Variants in EFL1 observed in about 807,000 individuals in gnomAD.
EFL1 encodes elongation factor-like GTPase 1.
In EFL1, 76 loss-of-function variants were observed where a neutral mutation model predicts 126.7. The observed-to-expected ratio is 0.60, with a 90% CI of 0.50 to 0.73. The LOEUF (loss-of-function observed/expected upper bound fraction) is 0.73, where lower values mean the gene tolerates loss of function less well. EFL1 is among the 30% of genes least tolerant of loss of function. The pLI is 0.00. For synonymous variants in EFL1, 410 were observed against 448.4 expected, an observed-to-expected ratio of 0.91 and a Z score of 1.08; for missense variants, 1,128 against 1,343.2, an observed-to-expected ratio of 0.84 and a Z score of 2.50.
chr15:82,130,767 G>A (rs561908300), intron 19 of EFL1, among the ~76,000 whole-genome samples: 17 of 152,288 alleles, frequency 1.1e-4, no homozygotes, highest in African/African-American at 4.1e-4. Flanking sequence ...GGGAGCCAAG[G>A]CAGGTGGATT....
intron 11 of EFL1, among the ~76,000 whole-genome samples, chr15:82,226,691 C>T (rs773010967): frequency 6.6e-6 from 1 of 152,162 alleles, no homozygotes; most frequent in Non-Finnish European, 1.5e-5. Context: ...GCTCTGAAGA[C>T]ACATAATCGT....
At chr15:82,140,923 T>G (rs2073779960) in intron 18 of EFL1, among the ~76,000 whole-genome samples, 2 of 152,210 alleles carry the variant, frequency 1.3e-5, no homozygotes, top group South Asian at 4.1e-4. Flanking sequence ...CCATTCCATC[T>G]TTGGATAACT....
intron 12 of EFL1, among the ~76,000 whole-genome samples, chr15:82,221,469 T>G (rs1359325501): frequency 1.3e-5 from 2 of 152,176 alleles, no homozygotes; most frequent in African/African-American, 2.4e-5. Flanking sequence ...GCTTAAATCA[T>G]TGACTGTCCA....
At chr15:82,132,727 T>C (rs1595932090) in intron 19 of EFL1, among the ~76,000 whole-genome samples, 1 of 129,002 alleles carries the variant, frequency 7.8e-6, no homozygotes. Context: ...GGCGAATGGA[T>C]GGAATTTAGA....
intron 15 of EFL1, among the ~76,000 whole-genome samples, chr15:82,174,660 T>C (rs17269819): frequency 0.21 from 31,237 of 152,120 alleles, 3,430 homozygotes; most frequent in Non-Finnish European, 0.26. Flanking sequence ...GGAATGTTTC[T>C]TGAGGTTAAC....
intron 18 of EFL1, 82 bp downstream of exon 18, chr15:82,151,383 G>A (rs1360291762): frequency 2.9e-6 from 4 of 1,356,634 alleles, no homozygotes; most frequent in East Asian, 4.6e-5. Flanking sequence ...ATGAGACCCT[G>A]TCTCAAAAAC....
At chr15:82,213,217 T>C (rs963023266) in intron 15 of EFL1, among the ~76,000 whole-genome samples, 6 of 152,270 alleles carry the variant, frequency 3.9e-5, no homozygotes, top group Admixed American at 6.5e-5. Context: ...CTTAGTCTTA[T>C]ATAAGTAAAT....
intron 15 of EFL1, among the ~76,000 whole-genome samples, chr15:82,179,060 C>T (rs1441236700): frequency 6.6e-6 from 1 of 152,176 alleles, no homozygotes; most frequent in Non-Finnish European, 1.5e-5. Flanking sequence ...AGGAGGATTA[C>T]TTGAGCCCAG....
chr15:82,238,265 T>C (rs1215152010), intron 7 of EFL1, 42 bp downstream of exon 7: 1 of 1,595,250 alleles, frequency 6.3e-7, no homozygotes, highest in African/African-American at 1.3e-5. Context: ...CAACTGCATA[T>C]AAAATCTGCA....
At chr15:82,254,154 TTC>T (rs1349336413) in intron 3 of EFL1, among the ~76,000 whole-genome samples, 1 of 152,192 alleles carries the variant, frequency 6.6e-6, no homozygotes, top group African/African-American at 2.4e-5. Context: ...GCAATAATCA[TTC>T]TCAATCCTCA....
chr15:82,144,724 G>A (rs1024503179), intron 18 of EFL1, among the ~76,000 whole-genome samples: 2 of 152,206 alleles, frequency 1.3e-5, no homozygotes, highest in Non-Finnish European at 2.9e-5. Context: ...GGCTAGGCGG[G>A]TGGCTCATGC....
intron 3 of EFL1, among the ~76,000 whole-genome samples, chr15:82,257,555 T>C (rs533819527): frequency 7.7e-4 from 117 of 152,322 alleles, no homozygotes; most frequent in African/African-American, 2.6e-3. Flanking sequence ...AAATTGTCTA[T>C]ATTGCTAGTA....
rs181668070 is a variant in EFL1 at position 82,173,141 on chromosome 15, A to C, written c.1751-9157T>G. On this transcript the variant is annotated intron_variant, in intron 15 of 19. Transcript: ENST00000268206. ...CGAAAGCACCCTTCAATATCCACCA[A>C]CAGGAGATTGAAAAAATAAATTATA... Among the ~76,000 whole-genome samples, 678 of 152,164 alleles carry C rather than the reference A, an allele frequency of 4.5e-3. 9 individuals are homozygous for C. Among genetic ancestry groups the C allele is most frequent in the South Asian group, 0.012 (58 of 4,824 alleles).
chr15:82,136,556 T>C (rs535013982), intron 19 of EFL1, among the ~76,000 whole-genome samples: 1 of 152,344 alleles, frequency 6.6e-6, no homozygotes, highest in East Asian at 1.9e-4. Context: ...ATCTGGTCAC[T>C]AAAACCTGTG....
intron 15 of EFL1, among the ~76,000 whole-genome samples, chr15:82,197,872 C>T (rs1452530365): frequency 1.3e-5 from 2 of 152,088 alleles, no homozygotes; most frequent in African/African-American, 4.8e-5. Flanking sequence ...TGCCTGCCTG[C>T]CTGCCTACCT....
intron 18 of EFL1, among the ~76,000 whole-genome samples, chr15:82,149,210 A>G (rs2073882031): frequency 6.6e-6 from 1 of 152,132 alleles, no homozygotes; most frequent in African/African-American, 2.4e-5. Flanking sequence ...ATTATGTTAT[A>G]TAACTTAAGA....
intron 15 of EFL1, among the ~76,000 whole-genome samples, chr15:82,212,354 T>A (rs1383742433): frequency 6.6e-6 from 1 of 152,212 alleles, no homozygotes; most frequent in Non-Finnish European, 1.5e-5. Context: ...GTATTAGTAA[T>A]CATTGCCCTA....
In EFL1 at chr15:82,151,503, A is replaced by C. The variant is rs776319720; in HGVS notation, c.2951T>G (p.Met984Arg). 2 of 1,613,868 alleles carry C rather than the reference A, an allele frequency of 1.2e-6. No individual in the cohort carries two copies. The highest frequency in any genetic ancestry group is 2.2e-5 in the South Asian group (2 of 91,036). The change falls in exon 18 of 20, where the codon ATG (methionine) becomes AGG (arginine). Residue 984 changes from methionine (M) to arginine (R), a missense_variant. By Grantham distance (91) the Met-to-Arg change is moderately conservative (BLOSUM62 -1). Transcript: ENST00000268206. ...AGTGGCCATGATGTCACATGTGTACATAGCTGCCATCAGGCGCTGAGGTTT... is the reference window on the plus strand; with the variant it reads ...AGTGGCCATGATGTCACATGTGTACCTAGCTGCCATCAGGCGCTGAGGTTT... ...QVKPQRLMAAMYTCDIMATGD... is the reference protein window; with the variant it reads ...QVKPQRLMAARYTCDIMATGD...
chr15:82,136,599 A>G (rs752722835), intron 19 of EFL1, among the ~76,000 whole-genome samples: 2 of 152,212 alleles, frequency 1.3e-5, no homozygotes, highest in Non-Finnish European at 2.9e-5. Context: ...TTTCATTAGA[A>G]CCATCAGTAA....
Sources: allele counts gnomAD v4.1 joint callset (sites outside exome capture counted in the v4.1 genomes callset), GRCh38; gene constraint gnomAD v4.1.1; transcripts MANE v1.5; gene names NCBI Gene and HGNC (gene_info 2026-07-23, HGNC 2026-07-21).